The following UPF1 variants were observed in gnomAD, a reference collection of about 807,000 sequenced individuals.
The protein encoded by UPF1 is regulator of nonsense transcripts 1.
UPF1 carries 9 observed loss-of-function variants against 129.2 expected under a neutral mutation model. The observed-to-expected ratio is 0.07, with a 90% CI of 0.04 to 0.12. UPF1 has a LOEUF of 0.12. Ranked by LOEUF, UPF1 falls within the 10% of genes least tolerant of loss-of-function variation. UPF1 has a pLI of 1.00. For synonymous variants in UPF1, 649 were observed against 644.9 expected (o/e 1.01, Z -0.10); for missense variants, 788 against 1,525.3 (o/e 0.52, Z 8.05).
intron 15 of UPF1, chr19:18,860,105 C>T: frequency 1.7e-6 from 1 of 596,686 alleles, no homozygotes; most frequent in Non-Finnish European, 3.0e-6. Context: ...CTGTGCTGGC[C>T]ATGGTGCTCT....
chr19:18,842,639 T>C (rs1054026022), intron 1 of UPF1, among the ~76,000 whole-genome samples: 4 of 152,086 alleles, frequency 2.6e-5, no homozygotes, highest in Non-Finnish European at 5.9e-5. Context: ...CAGTCATCAC[T>C]CTGAGGGTGT....
intron 14 of UPF1, 48 bp from the exon 15 acceptor site, chr19:18,857,272 T>C (rs1188820980): frequency 6.3e-7 from 1 of 1,574,830 alleles, no homozygotes. Flanking sequence ...GTGTTGAGGC[T>C]GATTCACACC....
Position 18,857,620 on chromosome 19 carries a change from G to T in UPF1, c.2182+87G>T, listed in dbSNP as rs573898599. On this transcript the variant is annotated intron_variant, in intron 15 of 23. Transcript: ENST00000262803. Reference sequence around the variant, plus strand: ...CTGGGGAGAAGGAACTGGCCCATCAGCTTCCCCTGAGCGGCTTCACATAGC... The same window carrying T: ...CTGGGGAGAAGGAACTGGCCCATCATCTTCCCCTGAGCGGCTTCACATAGC... 26 of 1,418,974 alleles carry T rather than the reference G, an allele frequency of 1.8e-5. No individual in the cohort carries two copies. The African/African-American group carries it at 2.7e-4, about 15-fold the overall frequency. 87.9% of individuals were successfully genotyped at this position (1,418,974 alleles called of 1,614,324 possible). A position where few individuals can be genotyped will look rare whatever the true frequency, so the allele number is the denominator to read the frequency against.
In UPF1 at chr19:18,832,394, C is replaced by T. The variant is rs2055436642; in HGVS notation, c.185C>T (p.Pro62Leu). 12 of 1,027,340 alleles carry T rather than the reference C, an allele frequency of 1.2e-5. No homozygotes were observed. Among genetic ancestry groups the T allele is most frequent in the Non-Finnish European group, 1.2e-5 (10 of 857,764 alleles). The allele number at this position is 1,027,340 out of a possible 1,614,324, so 63.6% of individuals were successfully genotyped here. The change falls in exon 1 of 24, where the codon CCG (proline) becomes CTG (leucine). Residue 62 changes from proline to leucine, a missense_variant. Pro to Leu is a moderately conservative substitution (Grantham distance 98). This residue lies in a region of UPF1 where 112 missense variants were observed against 128.2 expected (regional missense o/e 0.87). Transcript: ENST00000262803. This position sits in a 1 kb window ranked among gnomAD's most constrained non-coding sequence, Gnocchi z 5.6. ...CCGGGCGGTGGCGGCGCGGGAGGCC[C>T]GGGCGGCGCGGGCGCGGGCGCTGCG... ...GGPGGGGAGG[P>L]GGAGAGAAAG...
At position 18,855,262 on chromosome 19, in the gene UPF1, T is replaced by A. The variant is rs2145958156; in HGVS notation, c.1544+20T>A. 5 of 1,606,036 alleles carry A rather than the reference T, an allele frequency of 3.1e-6. No homozygotes were observed. In the East Asian group the frequency reaches 1.1e-4, roughly 36 times the overall value. ...CAACGGGTAGGGCTGACACGGCCCTTGCGGGCAAGACCCGGGAGGGCTTTA... is the reference window on the plus strand; with the variant it reads ...CAACGGGTAGGGCTGACACGGCCCTAGCGGGCAAGACCCGGGAGGGCTTTA... On this transcript the variant is annotated intron_variant, in intron 11 of 23. Coordinates refer to ENST00000262803, the MANE Select transcript of UPF1 (RefSeq NM_002911.4).
Position 18,865,792 on chromosome 19 carries a change from T to G in UPF1, c.3237+14T>G. ...GAGCTGTCCCAGGTGAGCCCGCCCCTGGGACGGGACTTACCTGAGTGAGGG... is the reference window on the plus strand; with the variant it reads ...GAGCTGTCCCAGGTGAGCCCGCCCCGGGGACGGGACTTACCTGAGTGAGGG... On this transcript the variant is annotated intron_variant, in intron 22 of 23. Coordinates refer to ENST00000262803, the MANE Select transcript of UPF1 (RefSeq NM_002911.4). The surrounding 1 kb of genome is among the most constrained non-coding windows in gnomAD (Gnocchi z 6.1). 4 of 1,612,012 alleles carry G rather than the reference T, an allele frequency of 2.5e-6. No homozygotes were observed. In the South Asian group the frequency reaches 4.4e-5, roughly 18 times the overall value.
At chr19:18,839,567 C>T (rs1162744245) in intron 1 of UPF1, among the ~76,000 whole-genome samples, 3 of 152,190 alleles carry the variant, frequency 2.0e-5, no homozygotes, top group South Asian at 2.1e-4. Flanking sequence ...GTGTGTCCAC[C>T]GCCTCAGACT....
intron 1 of UPF1, among the ~76,000 whole-genome samples, chr19:18,836,077 A>C (rs978844095): frequency 2.0e-5 from 3 of 152,228 alleles, no homozygotes; most frequent in Non-Finnish European, 4.4e-5. Flanking sequence ...ATATTTATCA[A>C]AGCCCTTGAG....
chr19:18,853,647 G>T lies in UPF1; in HGVS notation c.1156+297G>T, dbSNP rs1339146434. Among the ~76,000 whole-genome samples the T allele has an allele frequency of 6.6e-6, 1 of 152,198 alleles. No individual in the cohort carries two copies. The highest frequency in any genetic ancestry group is 6.5e-5 in the Admixed American group (1 of 15,284). On this transcript the variant is annotated intron_variant, in intron 8 of 23. Coordinates refer to ENST00000262803, the MANE Select transcript of UPF1 (RefSeq NM_002911.4). This position sits in a 1 kb window ranked among gnomAD's most constrained non-coding sequence, Gnocchi z 4.4. ...TTAATGTATGCCGCTTGTGTGGCAC[G>T]TCCCTGGACTGACTCTGGAGGTTAA...
At chr19:18,834,912 C>T (rs1308019369) in intron 1 of UPF1, among the ~76,000 whole-genome samples, 2 of 152,096 alleles carry the variant, frequency 1.3e-5, no homozygotes, top group Admixed American at 1.3e-4. Flanking sequence ...GTCAAGTGCC[C>T]TGCAGTCACT....
rs1043873655 is a variant in UPF1, at chr19:18,866,228, C to T, written c.*3+62C>T. On this transcript the variant is annotated intron_variant, in intron 23 of 23. Coordinates refer to ENST00000262803, the MANE Select transcript of UPF1 (RefSeq NM_002911.4). ...CCTCAAGGAGAAGGATGGGAGGGGGCTCTCCCCAGGGAGCTGCACTGGAGG... is the reference window on the plus strand; with the variant it reads ...CCTCAAGGAGAAGGATGGGAGGGGGTTCTCCCCAGGGAGCTGCACTGGAGG... 1.8e-5 allele frequency: 27 copies of T among 1,495,166 alleles called. No homozygotes were observed. In the East Asian group the frequency reaches 5.9e-4, roughly 32 times the overall value. The allele number at this position is 1,495,166 out of a possible 1,614,324, so 92.6% of individuals were successfully genotyped here. A position where few individuals can be genotyped will look rare whatever the true frequency, so the allele number is the denominator to read the frequency against.
intron 1 of UPF1, among the ~76,000 whole-genome samples, chr19:18,843,874 T>C (rs1378504363): frequency 6.6e-6 from 1 of 152,038 alleles, no homozygotes; most frequent in Non-Finnish European, 1.5e-5. Context: ...ACCTCCTGAT[T>C]AGCTGGGACT....
intron 1 of UPF1, among the ~76,000 whole-genome samples, chr19:18,842,571 C>A (rs530301074): frequency 6.6e-6 from 1 of 152,224 alleles, no homozygotes; most frequent in East Asian, 1.9e-4. Context: ...AGTTTGGGGG[C>A]CAGACCTCCT....
chr19:18,847,535 G>A (rs374409217), intron 2 of UPF1, among the ~76,000 whole-genome samples: 10 of 152,190 alleles, frequency 6.6e-5, no homozygotes, highest in East Asian at 3.8e-4. Context: ...TTATCCCCTC[G>A]GAGCTTCTGC....
At chr19:18,846,186 A>ACACT in intron 2 of UPF1, 67 bp downstream of exon 2, 1 of 1,595,598 alleles carries the variant, frequency 6.3e-7, no homozygotes. Context: ...TGGGCCTGGG[A>ACACT]CACTCACCTC....
intron 15 of UPF1, 87 bp from the exon 16 acceptor site, chr19:18,860,234 A>T (rs764114259): frequency 1.5e-4 from 207 of 1,367,718 alleles, no homozygotes; most frequent in Non-Finnish European, 2.1e-4. Flanking sequence ...GCAGCACTGT[A>T]GCGTAGCAAC....
chr19:18,855,359 A>T, intron 11 of UPF1, 117 bp downstream of exon 11: 1 of 1,142,776 alleles, frequency 8.8e-7, no homozygotes. Context: ...CGTGGCGGGT[A>T]GTGTCGCCAT....
At chr19:18,862,528 G>A (rs2055791709) in intron 18 of UPF1, among the ~76,000 whole-genome samples, 1 of 152,000 alleles carries the variant, frequency 6.6e-6, no homozygotes, top group African/African-American at 2.4e-5. Context: ...TGTCCATTCT[G>A]TCATCCCACA....
Position 18,867,512 on chromosome 19 carries a change from G to T in UPF1, c.*995G>T, listed in dbSNP as rs2055867194. On this transcript the variant is annotated 3_prime_UTR_variant, in exon 24 of 24. Transcript: ENST00000262803. Reference sequence around the variant, plus strand: ...TTTCCCGGGGGCCTTTGGAAGATTTGGTGGAAGGACAAGAGGGCCTGTCCC... The same window carrying T: ...TTTCCCGGGGGCCTTTGGAAGATTTTGTGGAAGGACAAGAGGGCCTGTCCC... 1 of 152,466 alleles carries T rather than the reference G, an allele frequency of 6.6e-6. No homozygotes were observed. The highest frequency in any genetic ancestry group is 2.1e-4 in the South Asian group (1 of 4,838). 9.4% of individuals were successfully genotyped at this position (152,466 alleles called of 1,614,324 possible).
Sources: gnomAD v4.1 joint callset for allele counts (sites outside exome capture counted in the v4.1 genomes callset) on GRCh38, gnomAD v4.1.1 for gene constraint, gnomAD v4.1.1 regional missense constraint, Gnocchi (gnomAD v3.1) non-coding constraint, MANE v1.5 for transcripts, NCBI Gene and HGNC (gene_info 2026-07-23, HGNC 2026-07-21) for gene names.